SMYD3: variants seen among roughly 807,000 people sequenced by gnomAD.
The protein encoded by SMYD3 is histone-lysine N-methyltransferase SMYD3.
Under a neutral mutation model 57.7 loss-of-function variants are expected in SMYD3, and 36 were observed. The observed-to-expected ratio is 0.62, with a 90% confidence interval of 0.48 to 0.82. The LOEUF (loss-of-function observed/expected upper bound fraction) is 0.82, where lower values mean the gene tolerates loss of function less well. Among genes scored for constraint, SMYD3 ranks in the 40% least tolerant of loss-of-function variants. SMYD3 has a pLI of 0.00. For missense variants in SMYD3, 515 were observed against 538.8 expected (o/e 0.96, Z 0.44); for synonymous variants, 211 against 195.0 (o/e 1.08, Z -0.68).
intron 5 of SMYD3, among the ~76,000 whole-genome samples, chr1:246,173,350 T>C (rs952165472): frequency 2.6e-5 from 4 of 152,234 alleles, no homozygotes; most frequent in Admixed American, 6.5e-5. Flanking sequence ...ACTCTAGACT[T>C]TATCAACGCT....
At chr1:245,947,575 C>T (rs1238389086) in intron 5 of SMYD3, among the ~76,000 whole-genome samples, 1 of 151,974 alleles carries the variant, frequency 6.6e-6, no homozygotes, top group Non-Finnish European at 1.5e-5. Context: ...TTAGGAAGAG[C>T]CCAGAAATAA....
At chr1:246,496,266 C>T (rs2068359577) in intron 1 of SMYD3, among the ~76,000 whole-genome samples, 1 of 151,832 alleles carries the variant, frequency 6.6e-6, no homozygotes, top group Non-Finnish European at 1.5e-5. Context: ...TATCTCTTGA[C>T]CTCGTGATCT....
intron 8 of SMYD3, among the ~76,000 whole-genome samples, chr1:245,887,263 C>A (rs946393064): frequency 2.0e-5 from 3 of 152,178 alleles, no homozygotes; most frequent in Non-Finnish European, 1.5e-5. Flanking sequence ...TATACTCCCA[C>A]CAGCACCATG....
chr1:245,786,634 C>A (rs1314084132), intron 10 of SMYD3, among the ~76,000 whole-genome samples: 1 of 151,346 alleles, frequency 6.6e-6, no homozygotes, highest in African/African-American at 2.4e-5. Context: ...CCACTGAGTA[C>A]AAACAAGCTG....
At position 246,203,642 on chromosome 1, in the gene SMYD3, G is replaced by A. The variant is rs550059258; in HGVS notation, c.531+123559C>T. Reference sequence around the variant, plus strand: ...TACTGGACTAGGGTCAACCCTAAAGGCCTCATGTTAAATCACCTCTTCAAA... The same window carrying A: ...TACTGGACTAGGGTCAACCCTAAAGACCTCATGTTAAATCACCTCTTCAAA... On this transcript the variant is annotated intron_variant, in intron 5 of 11. Transcript: ENST00000490107. This position sits in a 1 kb window ranked among gnomAD's most constrained non-coding sequence, Gnocchi z 4.6. Among the ~76,000 whole-genome samples the A allele has an allele frequency of 6.6e-6, 1 of 152,112 alleles. No homozygotes were observed. Among genetic ancestry groups the A allele is most frequent in the Non-Finnish European group, 1.5e-5 (1 of 68,024 alleles).
At chr1:246,054,718 G>C (rs998320970) in intron 5 of SMYD3, among the ~76,000 whole-genome samples, 10 of 152,148 alleles carry the variant, frequency 6.6e-5, no homozygotes, top group African/African-American at 2.2e-4. Context: ...CTGGGGGTGG[G>C]TGAGGGATAG....
intron 5 of SMYD3, among the ~76,000 whole-genome samples, chr1:246,110,619 G>A (rs999106084): frequency 6.6e-6 from 1 of 152,180 alleles, no homozygotes; most frequent in African/African-American, 2.4e-5. Flanking sequence ...CAGATCTGGT[G>A]CTCTCTCTCT....
At chr1:245,893,971 C>T (rs567996905) in intron 8 of SMYD3, among the ~76,000 whole-genome samples, 10 of 152,272 alleles carry the variant, frequency 6.6e-5, no homozygotes, top group East Asian at 1.9e-4. Flanking sequence ...ATCTGTAAAA[C>T]GGCAGTAAGA....
At chr1:245,878,110 T>A (rs1326815181) in intron 8 of SMYD3, among the ~76,000 whole-genome samples, 1 of 152,068 alleles carries the variant, frequency 6.6e-6, no homozygotes, top group Non-Finnish European at 1.5e-5. Context: ...AATCAGGGGC[T>A]CACCGATGAC....
intron 2 of SMYD3, among the ~76,000 whole-genome samples, chr1:246,338,357 G>A (rs186414895): frequency 2.0e-5 from 3 of 152,274 alleles, no homozygotes; most frequent in East Asian, 3.9e-4. Flanking sequence ...AAAACAAAAG[G>A]CATTATCTTC....
At chr1:246,372,320 A>T (rs1005942851) in intron 1 of SMYD3, among the ~76,000 whole-genome samples, 1 of 152,076 alleles carries the variant, frequency 6.6e-6, no homozygotes, top group African/African-American at 2.4e-5. Flanking sequence ...TACCACTCAG[A>T]TATTTTTCTT....
rs372602137 is a variant in SMYD3 at position 245,906,682 on chromosome 1, ATCTGCAC to A, written c.813+8841_813+8847del. ...AAGGAAATCAGCTTATCGAAGAGGT[ATCTGCAC>A]TCCTATGTTTGTTGCAGCACTGTTC... On this transcript the variant is annotated intron_variant, in intron 8 of 11. Coordinates refer to ENST00000490107, the MANE Select transcript of SMYD3 (RefSeq NM_001167740.2). 3.8e-3 allele frequency among the ~76,000 whole-genome samples: 585 copies of A among 152,362 alleles called. 5 individuals are homozygous for A. The highest frequency in any genetic ancestry group is 0.014 in the African/African-American group (564 of 41,586).
At chr1:245,886,682 C>T (rs1392603562) in intron 8 of SMYD3, among the ~76,000 whole-genome samples, 1 of 152,182 alleles carries the variant, frequency 6.6e-6, no homozygotes, top group African/African-American at 2.4e-5. Context: ...AGCTCTTCTT[C>T]TGGGTGTAAT....
chr1:245,824,909 C>G lies in SMYD3; in HGVS notation c.1076+33587G>C, dbSNP rs1334143481. The stretch of plus-strand genomic sequence containing the variant: ...AGTCGGGTGTGGCGGCGTGTACCTG[C>G]AATCCCAGCTACTCAGGAGGCTGAA... On this transcript the variant is annotated intron_variant, in intron 10 of 11. Coordinates refer to ENST00000490107, the MANE Select transcript of SMYD3 (RefSeq NM_001167740.2). Among the ~76,000 whole-genome samples, 7 of 149,390 alleles carry G rather than the reference C, an allele frequency of 4.7e-5. No individual in the cohort carries two copies. In the East Asian group the frequency reaches 1.4e-3, roughly 29 times the overall value.
chr1:245,908,508 C>A lies in SMYD3; in HGVS notation c.813+7022G>T, dbSNP rs1465891638. 1.3e-5 allele frequency among the ~76,000 whole-genome samples: 2 copies of A among 152,168 alleles called. 1 individual carries two copies. The highest frequency in any genetic ancestry group is 3.9e-4 in the East Asian group (2 of 5,186). ...ATCCAGCAGATGTTTACAGAACATA[C>A]ATCCAACACCTGTAGAATATACTTT... On this transcript the variant is annotated intron_variant, in intron 8 of 11. Transcript: ENST00000490107.
chr1:245,773,684 T>C (rs896764260), intron 10 of SMYD3, among the ~76,000 whole-genome samples: 13 of 152,194 alleles, frequency 8.5e-5, no homozygotes, highest in Non-Finnish European at 1.3e-4. Flanking sequence ...TGTGAAACAT[T>C]TGATGACATC....
At chr1:246,449,995 T>C (rs1019687368) in intron 1 of SMYD3, among the ~76,000 whole-genome samples, 8 of 151,984 alleles carry the variant, frequency 5.3e-5, no homozygotes, top group Admixed American at 2.0e-4. Context: ...TCATGTAAAA[T>C]CTCATCAACA....
intron 7 of SMYD3, among the ~76,000 whole-genome samples, chr1:245,917,054 G>A (rs910382288): frequency 1.4e-5 from 2 of 146,672 alleles, no homozygotes; most frequent in African/African-American, 5.0e-5. Flanking sequence ...AAAAAAGACA[G>A]GGTCTCACTG....
intron 5 of SMYD3, among the ~76,000 whole-genome samples, chr1:246,077,399 GAAC>G (rs1252732789): frequency 6.6e-6 from 1 of 152,118 alleles, no homozygotes. Context: ...TATGTAAAGA[GAAC>G]AACAAGTTAG....
Sources: gnomAD v4.1 joint callset for allele counts (sites outside exome capture counted in the v4.1 genomes callset) on GRCh38, gnomAD v4.1.1 for gene constraint, Gnocchi (gnomAD v3.1) non-coding constraint, MANE v1.5 for transcripts, NCBI Gene and HGNC (gene_info 2026-07-23, HGNC 2026-07-21) for gene names.